The following IL1RAPL2 variants were observed in gnomAD, a reference collection of about 807,000 sequenced individuals.
IL1RAPL2 encodes X-linked interleukin-1 receptor accessory protein-like 2.
In IL1RAPL2, 3 loss-of-function variants were observed where a neutral mutation model predicts 44.1. That is an observed-to-expected ratio of 0.07 (90% CI 0.03 to 0.18). The LOEUF is 0.18. IL1RAPL2 is among the 10% of genes least tolerant of loss of function. The pLI, the probability that IL1RAPL2 is intolerant of heterozygous loss-of-function variation, is 1.00. For synonymous variants in IL1RAPL2, 181 were observed against 178.8 expected (o/e 1.01, Z -0.10); for missense variants, 391 against 496.4 (o/e 0.79, Z 2.02).
At chrX:105,345,688 T>C (rs1012978605) in intron 5 of IL1RAPL2, among the ~76,000 whole-genome samples, 2 of 111,512 alleles carry the variant, frequency 1.8e-5, no homozygotes, top group South Asian at 7.5e-4. Flanking sequence ...AAACAAAGTG[T>C]TGTTCCTCGT....
chrX:105,209,567 G>A (rs2033791715), intron 3 of IL1RAPL2, among the ~76,000 whole-genome samples: 2 of 111,864 alleles, frequency 1.8e-5, no homozygotes, highest in African/African-American at 6.5e-5. Flanking sequence ...TGTTTTTAAA[G>A]CTGTCTTCCT....
chrX:105,513,286 T>G (rs766342691), intron 6 of IL1RAPL2, among the ~76,000 whole-genome samples: 13 of 111,831 alleles, frequency 1.2e-4, no homozygotes, highest in African/African-American at 3.9e-4. Context: ...ATATACCCAG[T>G]AATGGGATTG....
intron 2 of IL1RAPL2, among the ~76,000 whole-genome samples, chrX:105,013,070 G>A (rs1170412324): frequency 9.0e-6 from 1 of 111,107 alleles, no homozygotes; most frequent in African/African-American, 3.3e-5. Flanking sequence ...CTGTAGTGGA[G>A]TCTTGATATT....
intron 5 of IL1RAPL2, among the ~76,000 whole-genome samples, chrX:105,408,680 GCC>G (rs1338384393): frequency 9.0e-6 from 1 of 111,115 alleles, no homozygotes; most frequent in African/African-American, 3.3e-5. Flanking sequence ...ATCAATATAT[GCC>G]TAAATTATAT....
At chrX:105,756,403 G>C (rs2038639921) in intron 10 of IL1RAPL2, among the ~76,000 whole-genome samples, 1 of 111,484 alleles carries the variant, frequency 9.0e-6, no homozygotes, top group African/African-American at 3.3e-5. Flanking sequence ...ATTTGACTTT[G>C]GTTCTCACTC....
chrX:104,680,806 C>T (rs1303387043), intron 2 of IL1RAPL2, among the ~76,000 whole-genome samples: 1 of 111,594 alleles, frequency 9.0e-6, no homozygotes, highest in East Asian at 2.8e-4. Context: ...CTTCCCTGCC[C>T]TATATGAAAG....
chrX:104,641,447 A>G (rs1203079799), intron 1 of IL1RAPL2, among the ~76,000 whole-genome samples: 2 of 112,016 alleles, frequency 1.8e-5, no homozygotes, highest in Admixed American at 9.4e-5. Context: ...GTGAGGGATG[A>G]TAGCGGCTGT....
intron 5 of IL1RAPL2, among the ~76,000 whole-genome samples, chrX:105,419,202 G>GA (rs892404699): frequency 1.5e-4 from 17 of 111,670 alleles, no homozygotes; most frequent in Non-Finnish European, 3.0e-4. Flanking sequence ...ATGTTATAAA[G>GA]AAAAATTTCA....
At chrX:105,186,858 T>C (rs1556134183) in intron 2 of IL1RAPL2, among the ~76,000 whole-genome samples, 1 of 111,861 alleles carries the variant, frequency 8.9e-6, no homozygotes, top group Non-Finnish European at 1.9e-5. Flanking sequence ...CCTATTAAAA[T>C]GGCTATTACC....
chrX:105,087,620 TG>T (rs937095456), intron 2 of IL1RAPL2, among the ~76,000 whole-genome samples: 5 of 111,858 alleles, frequency 4.5e-5, no homozygotes, highest in African/African-American at 1.6e-4. Flanking sequence ...GCCTATGGTT[TG>T]TAATCAGATT....
chrX:105,447,811 A>AATATATAAAT (rs1325069077), intron 5 of IL1RAPL2, among the ~76,000 whole-genome samples: 1,356 of 89,407 alleles, frequency 0.015, 49 homozygotes, highest in African/African-American at 0.057. Context: ...TATACATATA[A>AATATATAAAT]ATATATAAAT....
chrX:104,914,687 G>C (rs909923896), intron 2 of IL1RAPL2, among the ~76,000 whole-genome samples: 2 of 110,502 alleles, frequency 1.8e-5, no homozygotes, highest in East Asian at 5.7e-4. Context: ...TTTAGCATTA[G>C]GTATATCTCC....
chrX:104,709,029 A>G (rs1454892081), intron 2 of IL1RAPL2, among the ~76,000 whole-genome samples: 2 of 111,478 alleles, frequency 1.8e-5, no homozygotes, highest in African/African-American at 6.5e-5. Flanking sequence ...AAATGTATGC[A>G]ATGAATTTAA....
At chrX:105,203,919 A>G (rs1556148803) in intron 3 of IL1RAPL2, among the ~76,000 whole-genome samples, 1 of 111,678 alleles carries the variant, frequency 9.0e-6, no homozygotes, top group African/African-American at 3.3e-5. Flanking sequence ...TGATGTTTTG[A>G]AAGCTGAATA....
intron 2 of IL1RAPL2, among the ~76,000 whole-genome samples, chrX:104,775,329 C>G (rs929758655): frequency 9.0e-6 from 1 of 111,597 alleles, no homozygotes; most frequent in East Asian, 2.8e-4. Context: ...TTAAAACACA[C>G]AGGGGAGTTG....
In IL1RAPL2 at chrX:105,439,517, C is replaced by CA. The variant is rs11337790; in HGVS notation, c.698-44774dup. Among the ~76,000 whole-genome samples, 390 of 59,072 alleles carry CA rather than the reference C, an allele frequency of 6.6e-3. 14 individuals are homozygous for CA. The highest frequency in any genetic ancestry group is 0.019 in the African/African-American group (299 of 16,013). 51.3% of individuals were successfully genotyped at this position (59,072 alleles called of 115,157 possible). Reference sequence around the variant, plus strand: ...CCTTTACAATATAACTTTTGCTGTACAAAAAAAAAAAAAAAAAAAAAATGG... The same window carrying CA: ...CCTTTACAATATAACTTTTGCTGTACAAAAAAAAAAAAAAAAAAAAAAATGG... On this transcript the variant is annotated intron_variant, in intron 5 of 10. Transcript: ENST00000372582.
At chrX:105,087,300 G>T (rs1341469323) in intron 2 of IL1RAPL2, among the ~76,000 whole-genome samples, 2 of 111,191 alleles carry the variant, frequency 1.8e-5, no homozygotes, top group Non-Finnish European at 3.8e-5. Context: ...CCATCAATGG[G>T]ATATACACTT....
chrX:104,906,813 G>A (rs1205923322), intron 2 of IL1RAPL2, among the ~76,000 whole-genome samples: 1 of 111,622 alleles, frequency 9.0e-6, no homozygotes, highest in Non-Finnish European at 1.9e-5. Context: ...GAATGATGCT[G>A]GCCTCATAAA....
chrX:105,268,166 C>T (rs2034418351), intron 5 of IL1RAPL2, among the ~76,000 whole-genome samples: 1 of 111,294 alleles, frequency 9.0e-6, no homozygotes, highest in Non-Finnish European at 1.9e-5. Flanking sequence ...GAATCTAATA[C>T]CAAAAAGATA....
Sources: gnomAD v4.1 joint callset for allele counts (sites outside exome capture counted in the v4.1 genomes callset) on GRCh38, gnomAD v4.1.1 for gene constraint, MANE v1.5 for transcripts, NCBI Gene and HGNC (gene_info 2026-07-23, HGNC 2026-07-21) for gene names.